RBFOX1: variants seen among roughly 807,000 people sequenced by gnomAD.
The protein encoded by RBFOX1 is RNA binding protein fox-1 homolog 1.
In RBFOX1, 8 loss-of-function variants were observed where a neutral mutation model predicts 57.7. The observed-to-expected ratio is 0.14, with a 90% CI of 0.08 to 0.25. RBFOX1 has a LOEUF of 0.25. Among genes scored for constraint, RBFOX1 ranks in the 10% least tolerant of loss-of-function variants. The pLI, the probability that RBFOX1 is intolerant of heterozygous loss-of-function variation, is 1.00. For synonymous variants in RBFOX1, 326 were observed against 222.4 expected, an observed-to-expected ratio of 1.47 and a Z score of -4.15; for missense variants, 611 against 548.5, an observed-to-expected ratio of 1.11 and a Z score of -1.14.
In RBFOX1 at chr16:6,404,162, G is replaced by A. The variant is rs540536364; in HGVS notation, c.-64+87105G>A. Among the ~76,000 whole-genome samples, 7 of 152,238 alleles carry A rather than the reference G, an allele frequency of 4.6e-5. No homozygotes were observed. In the South Asian group the frequency reaches 1.2e-3, roughly 27 times the overall value. Reference sequence around the variant, plus strand: ...TTTAAATTGCATCTATACTGAACATGAGCAGATTTTTTCTTGTCTTTATTC... The same window carrying A: ...TTTAAATTGCATCTATACTGAACATAAGCAGATTTTTTCTTGTCTTTATTC... On this transcript the variant is annotated intron_variant, in intron 2 of 15. Coordinates refer to ENST00000550418, the MANE Select transcript of RBFOX1 (RefSeq NM_018723.4).
intron 1 of RBFOX1, among the ~76,000 whole-genome samples, chr16:5,377,167 G>C (rs1272278179): frequency 6.6e-6 from 1 of 151,516 alleles, no homozygotes; most frequent in African/African-American, 2.4e-5. Flanking sequence ...CCAGACATGG[G>C]GATAAGCCTG....
chr16:7,579,835 C>A lies in RBFOX1; in HGVS notation c.329C>A (p.Thr110Lys), dbSNP rs200502098. 1.2e-6 allele frequency: 2 copies of A among 1,614,074 alleles called. No homozygotes were observed. The highest frequency in any genetic ancestry group is 3.3e-5 in the Admixed American group (2 of 60,016). The change falls in exon 6 of 16, where the codon ACG (threonine) becomes AAG (lysine). Residue 110 changes from threonine (T) to lysine (K), a missense_variant. Thr to Lys is a moderately conservative substitution (Grantham distance 78). Coordinates refer to ENST00000550418, the MANE Select transcript of RBFOX1 (RefSeq NM_018723.4). ...CCCCAGACACAACCTTCTGAAAACA[C>A]GGAAAACAAGTCTCAGCCCAAGCGG... Reference protein sequence around the residue: ...GQPQTQPSENTENKSQPKRLH... With the variant: ...GQPQTQPSENKENKSQPKRLH...
At chr16:7,460,417 G>GTGTA (rs36087873) in intron 4 of RBFOX1, among the ~76,000 whole-genome samples, 1,456 of 125,398 alleles carry the variant, frequency 0.012, 29 homozygotes, top group Non-Finnish European at 0.019. Flanking sequence ...GTGTGTGTGT[G>GTGTA]TATATACATA....
At chr16:5,897,139 G>T (rs979558305) in intron 4 of RBFOX1, among the ~76,000 whole-genome samples, 33 of 147,564 alleles carry the variant, frequency 2.2e-4, no homozygotes, top group Admixed American at 3.5e-4. Context: ...GGGTTCAAGC[G>T]ATTCTCCCGC....
At chr16:6,373,079 C>A (rs1490291287) in intron 2 of RBFOX1, among the ~76,000 whole-genome samples, 8 of 141,964 alleles carry the variant, frequency 5.6e-5, no homozygotes, top group Non-Finnish European at 1.2e-4. Flanking sequence ...TCATTGTGAT[C>A]ACTGGGTAGG....
intron 3 of RBFOX1, chr16:6,983,694 C>G (rs1160262885): frequency 6.6e-6 from 1 of 152,278 alleles, no homozygotes; most frequent in African/African-American, 2.4e-5. Context: ...CCTGGGAAAA[C>G]AGTGTTGCAT....
chr16:5,909,403 T>A (rs992432620), intron 4 of RBFOX1, among the ~76,000 whole-genome samples: 2 of 151,794 alleles, frequency 1.3e-5, no homozygotes, highest in African/African-American at 4.8e-5. Flanking sequence ...AAGCCCTTTC[T>A]AAAAAAAATA....
chr16:5,540,790 G>A (rs1424656082), intron 2 of RBFOX1, among the ~76,000 whole-genome samples: 2 of 152,190 alleles, frequency 1.3e-5, no homozygotes, highest in Non-Finnish European at 2.9e-5. Flanking sequence ...GCTTTTTGGA[G>A]TGCAGAATCT....
At chr16:7,394,142 A>G (rs1344499564) in intron 4 of RBFOX1, among the ~76,000 whole-genome samples, 1 of 145,642 alleles carries the variant, frequency 6.9e-6, no homozygotes, top group African/African-American at 2.5e-5. Context: ...AGGCTGAGGC[A>G]GGAGAATTGC....
In RBFOX1 at chr16:7,217,416, AC is replaced by A. The variant is rs769702285; in HGVS notation, c.27+165320del. Among the ~76,000 whole-genome samples, 23 of 149,330 alleles carry A rather than the reference AC, an allele frequency of 1.5e-4. No homozygotes were observed. In the East Asian group the frequency reaches 1.8e-3, roughly 12 times the overall value. On this transcript the variant is annotated intron_variant, in intron 4 of 15. Transcript: ENST00000550418. ...AGTGCTGGGATTACAGGCATGAACC[AC>A]CACGTCCAGCCAGGAAAACTACAGC...
chr16:7,172,844 G>A (rs1044554062), intron 4 of RBFOX1, among the ~76,000 whole-genome samples: 2 of 152,160 alleles, frequency 1.3e-5, no homozygotes, highest in African/African-American at 4.8e-5. Flanking sequence ...TGAGGGTTTA[G>A]AGAACATGGG....
chr16:5,733,139 C>T (rs531821872), intron 3 of RBFOX1, among the ~76,000 whole-genome samples: 1 of 152,152 alleles, frequency 6.6e-6, no homozygotes, highest in East Asian at 1.9e-4. Context: ...ATGAAATAGG[C>T]AGTCAGTCTG....
At chr16:5,918,124 A>G (rs760580095) in intron 4 of RBFOX1, among the ~76,000 whole-genome samples, 2 of 151,914 alleles carry the variant, frequency 1.3e-5, no homozygotes, top group Non-Finnish European at 2.9e-5. Context: ...GTTTATTTTT[A>G]TTGTTATTAT....
At chr16:7,611,755 A>C (rs1362848401) in intron 10 of RBFOX1, among the ~76,000 whole-genome samples, 2 of 152,162 alleles carry the variant, frequency 1.3e-5, no homozygotes, top group Non-Finnish European at 2.9e-5. Context: ...TCTCCCTCAC[A>C]CGTGCCTTCC....
intron 10 of RBFOX1, among the ~76,000 whole-genome samples, chr16:7,625,960 T>TG (rs1264875064): frequency 6.6e-6 from 1 of 152,062 alleles, no homozygotes; most frequent in Non-Finnish European, 1.5e-5. Flanking sequence ...GTAGCATCAA[T>TG]GGGGGAAGAC....
intron 2 of RBFOX1, among the ~76,000 whole-genome samples, chr16:6,602,143 C>T (rs1414796846): frequency 1.3e-5 from 2 of 151,896 alleles, no homozygotes; most frequent in Admixed American, 1.3e-4. Context: ...TGTTCAAATC[C>T]TTTGCCCATT....
At chr16:6,808,317 C>G (rs1001108079) in intron 3 of RBFOX1, among the ~76,000 whole-genome samples, 1 of 152,000 alleles carries the variant, frequency 6.6e-6, no homozygotes, top group East Asian at 1.9e-4. Context: ...ATCACCCCAC[C>G]ACTGATTCCC....
chr16:5,671,480 C>A (rs563475207), intron 3 of RBFOX1, among the ~76,000 whole-genome samples: 3 of 152,234 alleles, frequency 2.0e-5, no homozygotes, highest in African/African-American at 7.2e-5. Context: ...GTATGCGGTG[C>A]ATGTTGGCAT....
intron 4 of RBFOX1, among the ~76,000 whole-genome samples, chr16:7,339,341 C>T (rs924159140): frequency 2.0e-5 from 3 of 152,102 alleles, no homozygotes; most frequent in African/African-American, 7.2e-5. Context: ...TAGATCTCTT[C>T]CAACAGGAAG....
Sources: allele counts gnomAD v4.1 joint callset (sites outside exome capture counted in the v4.1 genomes callset), GRCh38; gene constraint gnomAD v4.1.1; transcripts MANE v1.5; gene names NCBI Gene and HGNC (gene_info 2026-07-23, HGNC 2026-07-21).